The following PSME4 variants were observed in gnomAD, a reference collection of about 807,000 sequenced individuals.
PSME4 encodes the protein proteasome activator subunit 4, also known as proteasome activator complex subunit 4.
A neutral mutation model predicts 253.9 loss-of-function variants in PSME4; 89 were observed. That is an observed-to-expected ratio of 0.35 (90% confidence interval 0.30 to 0.42). The LOEUF (loss-of-function observed/expected upper bound fraction) is 0.42. Ranked by LOEUF, PSME4 falls within the 10% of genes least tolerant of loss-of-function variation. The pLI, the probability that PSME4 is intolerant of heterozygous loss-of-function variation, is 1.00. For synonymous variants in PSME4, 851 were observed against 759.2 expected, an observed-to-expected ratio of 1.12 and a Z score of -1.99; for missense variants, 2,014 against 2,195.2, an observed-to-expected ratio of 0.92 and a Z score of 1.65.
intron 36 of PSME4, among the ~76,000 whole-genome samples, chr2:53,891,691 T>C (rs554815107): frequency 1.3e-5 from 2 of 152,000 alleles, no homozygotes; most frequent in Non-Finnish European, 2.9e-5. Flanking sequence ...AAACCCTGCC[T>C]CTATTAAAAA....
At chr2:53,946,791 G>A (rs1241464594) in intron 3 of PSME4, among the ~76,000 whole-genome samples, 1 of 152,128 alleles carries the variant, frequency 6.6e-6, no homozygotes, top group Non-Finnish European at 1.5e-5. Context: ...GCACACGCCT[G>A]TGGTCCCACC....
chr2:53,882,582 G>C (rs1322288116), intron 41 of PSME4, among the ~76,000 whole-genome samples: 3 of 152,130 alleles, frequency 2.0e-5, no homozygotes, highest in Admixed American at 6.5e-5. Flanking sequence ...AGATGCCCAT[G>C]ATTACCTAAT....
intron 8 of PSME4, chr2:53,933,003 T>C: frequency 2.3e-6 from 1 of 432,596 alleles, no homozygotes; most frequent in Non-Finnish European, 4.2e-6. Context: ...ACTAAAAAAA[T>C]ACCTGTCAAC....
chr2:53,916,116 G>A (rs183331197), intron 20 of PSME4, among the ~76,000 whole-genome samples: 26 of 151,686 alleles, frequency 1.7e-4, no homozygotes, highest in African/African-American at 4.4e-4. Flanking sequence ...GTGTGGGGGC[G>A]GATGCCTGTA....
chr2:53,927,877 G>A (rs1021295213), intron 11 of PSME4, among the ~76,000 whole-genome samples: 2 of 152,134 alleles, frequency 1.3e-5, no homozygotes, highest in Non-Finnish European at 2.9e-5. Context: ...AACCCAGGAG[G>A]TGGATCACAG....
rs781585003 is a variant in PSME4, at chr2:53,936,114, G to A, written c.807C>T (p.Tyr269=). ...TTGGTACATATGGATCCCAATCTAT[G>A]TACCCTATATTATCTGTAGCCAATC... is the stretch of plus-strand genomic sequence containing the variant. ...FARLATDNIG[Y]IDWDPYVPKI... The change falls in exon 7 of 47, where the codon TAC becomes TAT. Residue 269 remains tyrosine (Y), a synonymous_variant. Transcript: ENST00000404125. The A allele has an allele frequency of 9.3e-6, 15 of 1,612,670 alleles. No homozygotes were observed. Among genetic ancestry groups the A allele is most frequent in the Non-Finnish European group, 1.3e-5 (15 of 1,179,330 alleles).
At position 53,921,063 on chromosome 2, in the gene PSME4, C is replaced by T. The variant is rs1668292000; in HGVS notation, c.2088G>A (p.Glu696=). ...VDGRKLLLYR[E]QLVKILQRTL... Reference sequence around the variant, plus strand: ...TTCTTTGGAGAATCTTTACAAGCTGCTCCCTATAAAGAAGCAACTTCCTTC... The same window carrying T: ...TTCTTTGGAGAATCTTTACAAGCTGTTCCCTATAAAGAAGCAACTTCCTTC... Residue 696 remains glutamate, a synonymous_variant, in exon 18 of 47, where the codon GAG becomes GAA. Transcript: ENST00000404125. 1 of 1,613,984 alleles carries T rather than the reference C, an allele frequency of 6.2e-7. No homozygotes were observed. Among genetic ancestry groups the T allele is most frequent in the Non-Finnish European group, 8.5e-7 (1 of 1,179,992 alleles).
At chr2:53,866,542 T>C (rs1573174689) in intron 45 of PSME4, among the ~76,000 whole-genome samples, 1 of 152,224 alleles carries the variant, frequency 6.6e-6, no homozygotes, top group Non-Finnish European at 1.5e-5. Flanking sequence ...GCTACAATAA[T>C]TTCCTCACTA....
intron 17 of PSME4, among the ~76,000 whole-genome samples, chr2:53,921,912 C>T: frequency 6.7e-6 from 1 of 149,978 alleles, no homozygotes; most frequent in Non-Finnish European, 1.5e-5. Context: ...GTGGCTCACA[C>T]CTGTAACCCC....
At chr2:53,937,324 T>A (rs1669170902) in intron 5 of PSME4, 67 bp downstream of exon 5, 1 of 1,357,598 alleles carries the variant, frequency 7.4e-7, no homozygotes. Context: ...TGTTATTGTT[T>A]TACTAGTTTC....
chr2:53,969,153 T>C (rs1487729696), intron 1 of PSME4, among the ~76,000 whole-genome samples: 1 of 152,190 alleles, frequency 6.6e-6, no homozygotes, highest in East Asian at 1.9e-4. Flanking sequence ...AAATATTCTT[T>C]TTTGACTAAA....
chr2:53,945,213 C>T (rs1669645751), intron 3 of PSME4, among the ~76,000 whole-genome samples: 1 of 152,088 alleles, frequency 6.6e-6, no homozygotes, highest in African/African-American at 2.4e-5. Context: ...AGTATGTTGC[C>T]TATACTATAA....
chr2:53,887,561 C>G (rs1199182235), intron 39 of PSME4, 94 bp from the exon 40 acceptor site: 43 of 1,158,662 alleles, frequency 3.7e-5, no homozygotes, highest in Non-Finnish European at 4.1e-5. Context: ...TAAACTGTCC[C>G]AAGACAATTC....
intron 3 of PSME4, among the ~76,000 whole-genome samples, chr2:53,940,964 T>C (rs58674569): frequency 0.076 from 3,490 of 46,192 alleles, 396 homozygotes; most frequent in African/African-American, 0.12. Flanking sequence ...TATATATATA[T>C]ATATATATAT....
chr2:53,940,977 A>ATATATATATATATG (rs1669416457), intron 3 of PSME4, among the ~76,000 whole-genome samples: 2 of 75,736 alleles, frequency 2.6e-5, no homozygotes, highest in Non-Finnish European at 6.2e-5. Context: ...ATATATATAT[A>ATATATATATATATG]TATATATATA....
intron 3 of PSME4, among the ~76,000 whole-genome samples, chr2:53,940,207 C>T (rs1160771537): frequency 6.6e-6 from 1 of 152,028 alleles, no homozygotes; most frequent in Non-Finnish European, 1.5e-5. Flanking sequence ...CCTCATTTCG[C>T]TGTCTCTGGT....
chr2:53,882,913 AT>A (rs61069395), intron 41 of PSME4, among the ~76,000 whole-genome samples: 14,825 of 151,170 alleles, frequency 0.098, 971 homozygotes, highest in South Asian at 0.16. Context: ...AAAAAAATAA[AT>A]AAATAAGATA....
rs1215153583 is a variant in PSME4 at position 53,866,207 on chromosome 2, G to T, written c.5414C>A (p.Thr1805Asn). The T allele has an allele frequency of 1.2e-6, 2 of 1,613,018 alleles. No individual in the cohort carries two copies. The highest frequency in any genetic ancestry group is 1.7e-6 in the Non-Finnish European group (2 of 1,179,592). ...PQPIEMTVKK[T>N]LSNFRRTHHD... ...GTGAGTCCTTCGGAAATTGGATAAG[G>T]TTTTTTTTACAGTCATCTGTAAAGT... The change falls in exon 46 of 47, where the codon ACC becomes AAC. Residue 1805 changes from threonine (T) to asparagine (N), a missense_variant. Physicochemically the swap from Thr to Asn is moderately conservative, Grantham distance 65 (BLOSUM62 0). Coordinates refer to ENST00000404125, the MANE Select transcript of PSME4 (RefSeq NM_014614.3).
intron 1 of PSME4, among the ~76,000 whole-genome samples, chr2:53,970,212 T>G (rs1670989941): frequency 6.6e-6 from 1 of 152,144 alleles, no homozygotes; most frequent in Admixed American, 6.5e-5. Flanking sequence ...GGAGGACCCT[T>G]GAGAAAGGCT....
Sources: gnomAD v4.1 joint callset for allele counts (sites outside exome capture counted in the v4.1 genomes callset) on GRCh38, gnomAD v4.1.1 for gene constraint, MANE v1.5 for transcripts, NCBI Gene and HGNC (gene_info 2026-07-23, HGNC 2026-07-21) for gene names.